ZBTB7C: variants seen among roughly 807,000 people sequenced by gnomAD.
ZBTB7C encodes zinc finger and BTB domain containing 7C.
A neutral mutation model predicts 25.7 loss-of-function variants in ZBTB7C; 8 were observed. The ratio of observed to expected loss-of-function variants is 0.31; its 90% CI spans 0.18 to 0.56. The LOEUF (loss-of-function observed/expected upper bound fraction) is 0.56, where lower values mean the gene tolerates loss of function less well. Among genes scored for constraint, ZBTB7C ranks in the 20% least tolerant of loss-of-function variants. ZBTB7C has a pLI of 0.91. For synonymous variants in ZBTB7C, 394 were observed against 369.0 expected, an observed-to-expected ratio of 1.07 and a Z score of -0.78; for missense variants, 824 against 855.2, an observed-to-expected ratio of 0.96 and a Z score of 0.46.
intron 2 of ZBTB7C, among the ~76,000 whole-genome samples, chr18:48,282,536 A>G (rs552596937): frequency 7.2e-5 from 11 of 152,342 alleles, no homozygotes; most frequent in African/African-American, 2.4e-4. Context: ...AATGTTTACA[A>G]TAATTTACCA....
chr18:48,207,477 AC>A (rs1252426406), intron 2 of ZBTB7C, among the ~76,000 whole-genome samples: 1 of 152,244 alleles, frequency 6.6e-6, no homozygotes, highest in African/African-American at 2.4e-5. Flanking sequence ...CTATATAGCT[AC>A]AAAAAAGAAT....
At chr18:48,157,925 T>C (rs2040886278) in intron 3 of ZBTB7C, among the ~76,000 whole-genome samples, 1 of 151,962 alleles carries the variant, frequency 6.6e-6, no homozygotes, top group Non-Finnish European at 1.5e-5. Flanking sequence ...CCACTCAATA[T>C]CAACTAAGGG....
At chr18:48,090,455 G>A (rs2038369200) in intron 3 of ZBTB7C, among the ~76,000 whole-genome samples, 2 of 152,196 alleles carry the variant, frequency 1.3e-5, no homozygotes, top group Non-Finnish European at 2.9e-5. Context: ...CTGTCTGCAG[G>A]CCTTATAGAC....
chr18:48,162,296 G>A (rs2041086723), intron 3 of ZBTB7C: 1 of 450,230 alleles, frequency 2.2e-6, no homozygotes, highest in African/African-American at 2.0e-5. Context: ...CAACAGTGGA[G>A]GCAGGGACTC....
intron 3 of ZBTB7C, among the ~76,000 whole-genome samples, chr18:48,112,404 T>C (rs1357786515): frequency 4.0e-5 from 6 of 151,134 alleles, no homozygotes; most frequent in Admixed American, 4.0e-4. Flanking sequence ...CGGAGTACAG[T>C]GGTGCGATCT....
At chr18:48,055,410 C>CAAAAA (rs57782791) in intron 3 of ZBTB7C, among the ~76,000 whole-genome samples, 3 of 72,784 alleles carry the variant, frequency 4.1e-5, no homozygotes, top group African/African-American at 5.3e-5. Flanking sequence ...ACTCAAGTCT[C>CAAAAA]AAAAAAAAAA....
At position 48,040,639 on chromosome 18, in the gene ZBTB7C, C is replaced by A. The variant is rs749457847; in HGVS notation, c.469G>T (p.Glu157Ter). 3 of 1,613,468 alleles carry A rather than the reference C, an allele frequency of 1.9e-6. No homozygotes were observed. The highest frequency in any genetic ancestry group is 2.5e-6 in the Non-Finnish European group (3 of 1,179,704). The change falls in exon 4 of 5, where the codon GAG becomes TAG. Residue 157 changes from glutamate to a stop codon, truncating the protein, a stop_gained. Transcript: ENST00000590800. LOFTEE classifies it high-confidence loss of function. Reference protein sequence around the residue: ...DDDDEEDEEEEEEEEEDDDDD... With the variant: ...DDDDEEDEEE The stretch of plus-strand genomic sequence containing the variant: ...TCGTCATCCTCCTCCTCTTCCTCCT[C>A]CTCCTCTTCGTCCTCCTCATCATCA...
At chr18:48,213,623 A>G (rs2042753887) in intron 2 of ZBTB7C, among the ~76,000 whole-genome samples, 1 of 152,236 alleles carries the variant, frequency 6.6e-6, no homozygotes, top group Non-Finnish European at 1.5e-5. Context: ...TCTGAAAAGA[A>G]AGCAGCTACA....
At chr18:48,396,683 T>C (rs1292978623) in intron 1 of ZBTB7C, among the ~76,000 whole-genome samples, 3 of 152,226 alleles carry the variant, frequency 2.0e-5, no homozygotes, top group Non-Finnish European at 4.4e-5. Context: ...GCCTAATCGT[T>C]ACACAAGATC....
chr18:48,248,619 T>C (rs902006377), intron 2 of ZBTB7C, among the ~76,000 whole-genome samples: 1 of 152,152 alleles, frequency 6.6e-6, no homozygotes, highest in Non-Finnish European at 1.5e-5. Context: ...GCTTATTGTC[T>C]CTCTTCTCGC....
rs538428428 is a variant in ZBTB7C at position 48,297,448 on chromosome 18, C to T, written c.-79+40726G>A. ...CCTGGAGAGAGGCTCTGTCATGCAT[C>T]GGCTGTTCATTGCCTCTGACTTTTC... is the stretch of plus-strand genomic sequence containing the variant. On this transcript the variant is annotated intron_variant, in intron 2 of 4. Coordinates refer to ENST00000590800, the MANE Select transcript of ZBTB7C (RefSeq NM_001318841.2). Among the ~76,000 whole-genome samples, 7 of 152,196 alleles carry T rather than the reference C, an allele frequency of 4.6e-5. No individual in the cohort carries two copies. In the South Asian group the frequency reaches 6.2e-4, roughly 14 times the overall value.
intron 1 of ZBTB7C, among the ~76,000 whole-genome samples, chr18:48,408,078 A>G (rs1048903139): frequency 1.3e-5 from 2 of 152,058 alleles, no homozygotes; most frequent in African/African-American, 4.8e-5. Flanking sequence ...AAGCACCAGA[A>G]ACTCCGGCTC....
chr18:48,051,321 A>G (rs2036677817), intron 3 of ZBTB7C, among the ~76,000 whole-genome samples: 1 of 152,190 alleles, frequency 6.6e-6, no homozygotes, highest in African/African-American at 2.4e-5. Context: ...CTTTGGGGAT[A>G]GAAATGGGTG....
chr18:48,332,673 C>CTTTTTTTTTTT (rs58216606), intron 2 of ZBTB7C, among the ~76,000 whole-genome samples: 1 of 85,740 alleles, frequency 1.2e-5, no homozygotes, highest in African/African-American at 4.7e-5. Context: ...CTCTCCTTTG[C>CTTTTTTTTTTT]TTTTTTTTTT....
intron 1 of ZBTB7C, among the ~76,000 whole-genome samples, chr18:48,403,787 T>A (rs2048215969): frequency 6.6e-6 from 1 of 152,066 alleles, no homozygotes; most frequent in Non-Finnish European, 1.5e-5. Flanking sequence ...AACTTACTCA[T>A]GTAACCAAAT....
rs528763144 is a variant in ZBTB7C at position 48,242,873 on chromosome 18, A to C, written c.-78-56878T>G. 5.3e-5 allele frequency among the ~76,000 whole-genome samples: 8 copies of C among 152,300 alleles called. No homozygotes were observed. The South Asian group carries it at 1.7e-3, about 32-fold the overall frequency. ...GAGCAATCAGACAAGAGAAAGAAAT[A>C]AAGGGCATCCAAATCAGTAAAAAGG... On this transcript the variant is annotated intron_variant, in intron 2 of 4. Coordinates refer to ENST00000590800, the MANE Select transcript of ZBTB7C (RefSeq NM_001318841.2).
intron 2 of ZBTB7C, among the ~76,000 whole-genome samples, chr18:48,220,451 T>C (rs1231445955): frequency 6.6e-6 from 1 of 152,114 alleles, no homozygotes; most frequent in Non-Finnish European, 1.5e-5. Flanking sequence ...AGGGAACAAA[T>C]ACTTATTGAG....
intron 2 of ZBTB7C, among the ~76,000 whole-genome samples, chr18:48,235,640 G>A (rs2043359738): frequency 6.6e-6 from 1 of 151,916 alleles, no homozygotes; most frequent in Non-Finnish European, 1.5e-5. Flanking sequence ...GAGTTCCTTT[G>A]GTGACTCTCC....
chr18:48,152,399 T>C (rs2040706838), intron 3 of ZBTB7C, among the ~76,000 whole-genome samples: 1 of 152,218 alleles, frequency 6.6e-6, no homozygotes, highest in Non-Finnish European at 1.5e-5. Flanking sequence ...GAATTATATA[T>C]TGTTTTACCT....
Sources: gnomAD v4.1 joint callset for allele counts (sites outside exome capture counted in the v4.1 genomes callset) on GRCh38, gnomAD v4.1.1 for gene constraint, MANE v1.5 for transcripts, NCBI Gene and HGNC (gene_info 2026-07-23, HGNC 2026-07-21) for gene names.